The following MGMT variants were observed in gnomAD, a reference collection of about 807,000 sequenced individuals.
The protein encoded by MGMT is methylated-DNA--protein-cysteine methyltransferase.
MGMT carries 14 observed loss-of-function variants against 15.9 expected under a neutral mutation model. The observed-to-expected ratio is 0.88, with a 90% CI of 0.58 to 1.37. The LOEUF (loss-of-function observed/expected upper bound fraction) is 1.37. MGMT is among the 40% of genes most tolerant of loss of function. The pLI is 0.00. For missense variants in MGMT, 282 were observed against 268.1 expected, an observed-to-expected ratio of 1.05 and a Z score of -0.36; for synonymous variants, 130 against 118.2, an observed-to-expected ratio of 1.10 and a Z score of -0.65.
intron 2 of MGMT, among the ~76,000 whole-genome samples, chr10:129,604,684 TGG>T (rs1452315334): frequency 1.3e-5 from 2 of 150,728 alleles, no homozygotes; most frequent in Non-Finnish European, 3.0e-5. Context: ...AGTGGTTCAC[TGG>T]GAGGAGGGGG....
At chr10:129,675,800 G>T (rs891982818) in intron 2 of MGMT, among the ~76,000 whole-genome samples, 1 of 152,210 alleles carries the variant, frequency 6.6e-6, no homozygotes. Context: ...GGAGCAGGCC[G>T]TGGTGACAGA....
chr10:129,512,520 C>T (rs1305261214), intron 1 of MGMT, among the ~76,000 whole-genome samples: 2 of 152,144 alleles, frequency 1.3e-5, no homozygotes, highest in Non-Finnish European at 2.9e-5. Context: ...AGCTTCGGGT[C>T]TTTCATCATC....
chr10:129,701,729 C>T (rs534115266), intron 2 of MGMT: 38 of 152,314 alleles, frequency 2.5e-4, no homozygotes, highest in African/African-American at 9.1e-4. Flanking sequence ...CACTTGCTTC[C>T]TCTACCCTTT....
At chr10:129,539,853 A>AT (rs1205825146) in intron 2 of MGMT, among the ~76,000 whole-genome samples, 1 of 152,120 alleles carries the variant, frequency 6.6e-6, no homozygotes, top group African/African-American at 2.4e-5. Flanking sequence ...AATCCTCTAA[A>AT]TTTATTTATT....
intron 2 of MGMT, among the ~76,000 whole-genome samples, chr10:129,562,528 A>G (rs751264041): frequency 2.6e-5 from 4 of 152,242 alleles, no homozygotes; most frequent in Non-Finnish European, 5.9e-5. Context: ...CTTAATCTTG[A>G]AAGCAGTTGC....
intron 2 of MGMT, among the ~76,000 whole-genome samples, chr10:129,589,017 C>T (rs1452925906): frequency 6.6e-6 from 1 of 152,240 alleles, no homozygotes; most frequent in African/African-American, 2.4e-5. Flanking sequence ...TACTGCTTCA[C>T]TGTAGGCTTT....
chr10:129,672,567 T>A (rs1847736722), intron 2 of MGMT, among the ~76,000 whole-genome samples: 1 of 152,208 alleles, frequency 6.6e-6, no homozygotes. Flanking sequence ...GTTGATTTCT[T>A]CTGATCGCTC....
At chr10:129,524,886 G>A (rs1845852501) in intron 1 of MGMT, among the ~76,000 whole-genome samples, 4 of 152,002 alleles carry the variant, frequency 2.6e-5, no homozygotes, top group South Asian at 2.1e-4. Context: ...CACCGCACCC[G>A]GCCCCAGAAA....
rs141224944 is a variant in MGMT, at chr10:129,730,279, C to T, written c.274+22236C>T. Among the ~76,000 whole-genome samples, 12 of 152,218 alleles carry T rather than the reference C, an allele frequency of 7.9e-5. No homozygotes were observed. In the East Asian group the frequency reaches 1.7e-3, roughly 22 times the overall value. Reference sequence around the variant, plus strand: ...TGCAGTGAAACCAACAAATGGAAGACGTGAACTGATGCTGGCCCTAATGAC... The same window carrying T: ...TGCAGTGAAACCAACAAATGGAAGATGTGAACTGATGCTGGCCCTAATGAC... On this transcript the variant is annotated intron_variant, in intron 3 of 4. Transcript: ENST00000651593.
chr10:129,698,431 C>T (rs1230010850), intron 2 of MGMT, among the ~76,000 whole-genome samples: 2 of 152,162 alleles, frequency 1.3e-5, no homozygotes, highest in Non-Finnish European at 2.9e-5. Flanking sequence ...GAAATAGCTA[C>T]TCTGTGCAAG....
At chr10:129,662,370 C>T (rs1054777339) in intron 2 of MGMT, among the ~76,000 whole-genome samples, 4 of 152,132 alleles carry the variant, frequency 2.6e-5, no homozygotes, top group Admixed American at 1.3e-4. Context: ...TCCCAGGACA[C>T]GGAACTTTCC....
chr10:129,511,189 T>C (rs1313514949), intron 1 of MGMT, among the ~76,000 whole-genome samples: 1 of 146,406 alleles, frequency 6.8e-6, no homozygotes, highest in East Asian at 2.0e-4. Flanking sequence ...ACGTGCTTCA[T>C]GCAGTAGGAA....
chr10:129,533,285 G>A lies in MGMT; in HGVS notation c.-12-2956G>A, dbSNP rs930303498. On this transcript the variant is annotated intron_variant, in intron 1 of 4. Coordinates refer to ENST00000651593, the MANE Select transcript of MGMT (RefSeq NM_002412.5). The surrounding 1 kb of genome is among the most constrained non-coding windows in gnomAD (Gnocchi z 4.5). ...TTGTGGAGTAGCCTTTCAGTAAACGGCATTTGTGCTTAAATTAGCCCGTGT... is the reference window on the plus strand; with the variant it reads ...TTGTGGAGTAGCCTTTCAGTAAACGACATTTGTGCTTAAATTAGCCCGTGT... 2.0e-5 allele frequency among the ~76,000 whole-genome samples: 3 copies of A among 152,350 alleles called. No individual in the cohort carries two copies. The highest frequency in any genetic ancestry group is 7.2e-5 in the African/African-American group (3 of 41,576).
At chr10:129,522,010 C>A (rs1470464530) in intron 1 of MGMT, among the ~76,000 whole-genome samples, 1 of 152,228 alleles carries the variant, frequency 6.6e-6, no homozygotes, top group Non-Finnish European at 1.5e-5. Context: ...ACCGAGCAGG[C>A]AGCAAAGGGC....
intron 1 of MGMT, among the ~76,000 whole-genome samples, chr10:129,489,317 G>A (rs569510076): frequency 1.7e-4 from 22 of 129,962 alleles, no homozygotes; most frequent in South Asian, 9.7e-4. Context: ...CTGAGATAGC[G>A]CCATTGCACT....
chr10:129,505,439 A>G (rs1018381411), intron 1 of MGMT, among the ~76,000 whole-genome samples: 2 of 152,252 alleles, frequency 1.3e-5, no homozygotes, highest in African/African-American at 4.8e-5. Context: ...TATGTAAAGT[A>G]AAAACTGAGA....
intron 3 of MGMT, among the ~76,000 whole-genome samples, chr10:129,711,658 G>GT (rs1848234357): frequency 6.6e-6 from 1 of 152,086 alleles, no homozygotes; most frequent in African/African-American, 2.4e-5. Flanking sequence ...GGCTTTTTTG[G>GT]TTTGCTATTC....
At chr10:129,518,364 ACACACACAC>A (rs1845764035) in intron 1 of MGMT, among the ~76,000 whole-genome samples, 1 of 150,150 alleles carries the variant, frequency 6.7e-6, no homozygotes, top group African/African-American at 2.5e-5. Context: ...ACACACACAC[ACACACACAC>A]ATTTGGCCCT....
intron 2 of MGMT, among the ~76,000 whole-genome samples, chr10:129,663,660 CAGA>C (rs1847625924): frequency 1.3e-5 from 2 of 152,086 alleles, no homozygotes; most frequent in African/African-American, 4.8e-5. Context: ...AGTATTGATA[CAGA>C]AGTTTTTAAA....
Sources: allele counts gnomAD v4.1 joint callset (sites outside exome capture counted in the v4.1 genomes callset), GRCh38; gene constraint gnomAD v4.1.1; non-coding constraint Gnocchi (gnomAD v3.1); transcripts MANE v1.5; gene names NCBI Gene and HGNC (gene_info 2026-07-23, HGNC 2026-07-21).